Variants in DOCK10 observed in about 807,000 individuals in gnomAD.
DOCK10 encodes dedicator of cytokinesis protein 10.
In DOCK10, 145 loss-of-function variants were observed where a neutral mutation model predicts 280.1. The ratio of observed to expected loss-of-function variants is 0.52; its 90% confidence interval spans 0.45 to 0.59. The LOEUF (loss-of-function observed/expected upper bound fraction) is 0.59, where lower values mean the gene tolerates loss of function less well. Among genes scored for constraint, DOCK10 ranks in the 20% least tolerant of loss-of-function variants. The pLI, the probability that DOCK10 is intolerant of heterozygous loss-of-function variation, is 0.00. For synonymous variants in DOCK10, 915 were observed against 942.2 expected, an observed-to-expected ratio of 0.97 and a Z score of 0.53; for missense variants, 2,368 against 2,651.7, an observed-to-expected ratio of 0.89 and a Z score of 2.35.
intron 15 of DOCK10, 142 bp downstream of exon 15, chr2:224,856,718 T>C (rs890531784): frequency 4.6e-6 from 3 of 655,562 alleles, no homozygotes; most frequent in South Asian, 6.1e-5. Flanking sequence ...TGGTGCTATT[T>C]GGGCATATGT....
rs397869895 is a variant in DOCK10, at chr2:225,035,572, A to ATTATATATATATATATATAT, written c.123+6679_123+6680insATATATATATATATATATAA. ...TATATATATATATATATATATATAT[A>ATTATATATATATATATATAT]TATATATATATATATAACACTGAAT... On this transcript the variant is annotated intron_variant, in intron 1 of 55. Transcript: ENST00000258390. Among the ~76,000 whole-genome samples, 49 of 69,956 alleles carry ATTATATATATATATATATAT rather than the reference A, an allele frequency of 7.0e-4. 2 individuals carry two copies. Among genetic ancestry groups the ATTATATATATATATATATAT allele is most frequent in the Non-Finnish European group, 1.3e-3 (45 of 34,234 alleles). The allele number at this position is 69,956 out of a possible 152,430, so 45.9% of individuals were successfully genotyped here. A position where few individuals can be genotyped will look rare whatever the true frequency, so the allele number is the denominator to read the frequency against.
intron 1 of DOCK10, among the ~76,000 whole-genome samples, chr2:225,006,679 G>A (rs1310329367): frequency 6.6e-6 from 1 of 152,134 alleles, no homozygotes; most frequent in Non-Finnish European, 1.5e-5. Context: ...TTGTATTGAT[G>A]GTTTCAATCT....
intron 1 of DOCK10, among the ~76,000 whole-genome samples, chr2:225,007,225 G>C (rs1463231379): frequency 1.3e-5 from 2 of 152,128 alleles, no homozygotes; most frequent in Admixed American, 1.3e-4. Context: ...TGAGAAGATT[G>C]TATGAGTTTT....
intron 1 of DOCK10, among the ~76,000 whole-genome samples, chr2:224,955,606 A>G (rs898611856): frequency 3.3e-5 from 5 of 152,258 alleles, no homozygotes; most frequent in African/African-American, 1.2e-4. Flanking sequence ...AAGCTAATAC[A>G]ATACTTTGAT....
chr2:224,830,409 ATAAAG>A (rs1695149774), intron 27 of DOCK10, 127 bp downstream of exon 27: 1 of 459,176 alleles, frequency 2.2e-6, no homozygotes, highest in Non-Finnish European at 3.7e-6. Flanking sequence ...TCTTCTACTT[ATAAAG>A]TAATTATTGT....
At chr2:224,852,822 T>C in intron 17 of DOCK10, 113 bp downstream of exon 17, 1 of 937,548 alleles carries the variant, frequency 1.1e-6, no homozygotes, top group Non-Finnish European at 1.5e-6. Context: ...CAAACGGTTT[T>C]CTATGACAGA....
At chr2:224,897,854 A>G (rs2125834922) in intron 3 of DOCK10, among the ~76,000 whole-genome samples, 1 of 152,326 alleles carries the variant, frequency 6.6e-6, no homozygotes, top group African/African-American at 2.4e-5. Context: ...CCATGCACCT[A>G]GCACTGTACT....
chr2:224,882,644 C>A (rs944460266), intron 7 of DOCK10, among the ~76,000 whole-genome samples: 1 of 152,176 alleles, frequency 6.6e-6, no homozygotes, highest in Non-Finnish European at 1.5e-5. Flanking sequence ...CCTAAGAATG[C>A]TGGATGCTAA....
chr2:225,017,123 A>AAAAC (rs1553632917), intron 1 of DOCK10, among the ~76,000 whole-genome samples: 2 of 151,784 alleles, frequency 1.3e-5, no homozygotes, highest in Non-Finnish European at 2.9e-5. Flanking sequence ...AAAAAAAAAA[A>AAAAC]AACTTTTGAG....
At chr2:224,991,647 C>G (rs1321162802) in intron 1 of DOCK10, among the ~76,000 whole-genome samples, 2 of 152,104 alleles carry the variant, frequency 1.3e-5, no homozygotes, top group African/African-American at 2.4e-5. Flanking sequence ...CAGAAAGTTT[C>G]CTTGACTTCT....
intron 1 of DOCK10, among the ~76,000 whole-genome samples, chr2:225,017,301 T>C (rs1689637218): frequency 1.3e-5 from 2 of 152,112 alleles, no homozygotes; most frequent in African/African-American, 2.4e-5. Context: ...ATTTTTATTT[T>C]TGAAGACAGC....
Position 224,805,397 on chromosome 2 carries a change from G to A in DOCK10, c.3936+11C>T, listed in dbSNP as rs1693331646. On this transcript the variant is annotated intron_variant, in intron 35 of 55. Transcript: ENST00000258390. This position sits in a 1 kb window ranked among gnomAD's most constrained non-coding sequence, Gnocchi z 4.3. Reference sequence around the variant, plus strand: ...TTGTAATGATCAGTAGGTTTGAGAGGGAAGTCATACCTTTTCACAGTTGTC... The same window carrying A: ...TTGTAATGATCAGTAGGTTTGAGAGAGAAGTCATACCTTTTCACAGTTGTC... 2 of 1,612,664 alleles carry A rather than the reference G, an allele frequency of 1.2e-6. No homozygotes were observed. The highest frequency in any genetic ancestry group is 1.7e-6 in the Non-Finnish European group (2 of 1,179,150).
rs1690034826 is a variant in DOCK10, at chr2:224,765,480, T to C, written c.*241A>G. The C allele has an allele frequency of 7.1e-6, 3 of 424,256 alleles. No individual in the cohort carries two copies. The highest frequency in any genetic ancestry group is 1.3e-5 in the Non-Finnish European group (3 of 235,716). The allele number at this position is 424,256 out of a possible 1,614,324, so 26.3% of individuals were successfully genotyped here. ...GCAAACTTAGGGTTTGCATTTGAGCTACACATTCACTGGAATTTCATGGCA... is the reference window on the plus strand; with the variant it reads ...GCAAACTTAGGGTTTGCATTTGAGCCACACATTCACTGGAATTTCATGGCA... On this transcript the variant is annotated 3_prime_UTR_variant, in exon 56 of 56. Coordinates refer to ENST00000258390, the MANE Select transcript of DOCK10 (RefSeq NM_014689.3).
chr2:224,996,965 A>G (rs1706288651), intron 1 of DOCK10, among the ~76,000 whole-genome samples: 1 of 152,190 alleles, frequency 6.6e-6, no homozygotes, highest in South Asian at 2.1e-4. Context: ...AAGCTCCACT[A>G]GCCACACTGA....
chr2:224,894,505 AG>A, intron 4 of DOCK10, among the ~76,000 whole-genome samples: 1 of 152,308 alleles, frequency 6.6e-6, no homozygotes, highest in East Asian at 1.9e-4. Context: ...AACTATTTTC[AG>A]AAAGAGGAAG....
At chr2:224,804,257 A>G in intron 38 of DOCK10, 44 bp from the exon 39 acceptor site, 1 of 1,179,682 alleles carries the variant, frequency 8.5e-7, no homozygotes, top group Non-Finnish European at 1.2e-6. Context: ...AGTGTTTGTA[A>G]TTTACATATA....
intron 1 of DOCK10, among the ~76,000 whole-genome samples, chr2:225,035,541 A>T (rs1400725682): frequency 1.9e-5 from 1 of 53,558 alleles, no homozygotes; most frequent in African/African-American, 6.9e-5. Flanking sequence ...TATGATATAT[A>T]TTATATATAT....
chr2:224,782,495 T>A (rs1691423278), intron 50 of DOCK10, among the ~76,000 whole-genome samples: 1 of 152,236 alleles, frequency 6.6e-6, no homozygotes, highest in Non-Finnish European at 1.5e-5. Flanking sequence ...ACTATGGAAA[T>A]CAATACCTCA....
intron 1 of DOCK10, among the ~76,000 whole-genome samples, chr2:225,000,245 T>C (rs1210977984): frequency 6.8e-6 from 1 of 146,026 alleles, no homozygotes; most frequent in Non-Finnish European, 1.5e-5. Context: ...CACACACACA[T>C]GCAATTACTG....
Sources: allele counts gnomAD v4.1 joint callset (sites outside exome capture counted in the v4.1 genomes callset), GRCh38; gene constraint gnomAD v4.1.1; non-coding constraint Gnocchi (gnomAD v3.1); transcripts MANE v1.5; gene names NCBI Gene and HGNC (gene_info 2026-07-23, HGNC 2026-07-21).